The following GALNT13 variants were observed in gnomAD, a reference collection of about 807,000 sequenced individuals.
GALNT13 encodes the protein UDP-GalNAc:polypeptide N-acetylgalactosaminyltransferase 13.
A neutral mutation model predicts 64.2 loss-of-function variants in GALNT13; 28 were observed. The observed-to-expected ratio is 0.44, with a 90% CI of 0.32 to 0.60. The LOEUF is 0.60. GALNT13 is among the 20% of genes least tolerant of loss of function. The probability of loss-of-function intolerance (pLI) is 0.05; values close to 1 mark genes in which losing one functional copy is unlikely to be tolerated. For synonymous variants in GALNT13, 214 were observed against 224.6 expected (o/e 0.95, Z 0.42); for missense variants, 577 against 669.8 (o/e 0.86, Z 1.53).
At chr2:153,436,398 G>T in the GALNT13 span, among the ~76,000 whole-genome samples, 1 of 152,156 alleles carries the variant, frequency 6.6e-6, no homozygotes, top group South Asian at 2.1e-4. Flanking sequence ...GTTTCAGGAG[G>T]AATGGTACCA....
At chr2:153,168,852 A>T in the GALNT13 span, among the ~76,000 whole-genome samples, 1 of 152,150 alleles carries the variant, frequency 6.6e-6, no homozygotes, top group African/African-American at 2.4e-5. Context: ...CCAAATGTCA[A>T]TTCATATACT....
At position 154,452,551 on chromosome 2, in the gene GALNT13, T is replaced by C. The variant is rs1701911051; in HGVS notation, c.*2000T>C. Reference sequence around the variant, plus strand: ...GTCAAAATGCATGTTATGTAGAAAATGGTCAATGGCAAATTTTTATAAATA... The same window carrying C: ...GTCAAAATGCATGTTATGTAGAAAACGGTCAATGGCAAATTTTTATAAATA... On this transcript the variant is annotated 3_prime_UTR_variant, in exon 13 of 13. Coordinates refer to ENST00000392825, the MANE Select transcript of GALNT13 (RefSeq NM_052917.4). 1 of 152,072 alleles carries C rather than the reference T, an allele frequency of 6.6e-6. No individual in the cohort carries two copies. Among genetic ancestry groups the C allele is most frequent in the Non-Finnish European group, 1.5e-5 (1 of 68,010 alleles). 9.4% of individuals were successfully genotyped at this position (152,072 alleles called of 1,614,324 possible). A position where few individuals can be genotyped will look rare whatever the true frequency, so the allele number is the denominator to read the frequency against.
intron 9 of GALNT13, among the ~76,000 whole-genome samples, chr2:154,343,840 T>TA (rs1350565783): frequency 1.3e-5 from 2 of 152,128 alleles, no homozygotes; most frequent in East Asian, 1.9e-4. Context: ...CTTTATGAGC[T>TA]ATTCAAGCTT....
chr2:153,669,367 C>A, the GALNT13 span, among the ~76,000 whole-genome samples: 1 of 152,334 alleles, frequency 6.6e-6, no homozygotes, highest in East Asian at 1.9e-4. Context: ...TGTAAGTACA[C>A]TTCTCCCCAC....
chr2:153,505,270 C>T, the GALNT13 span, among the ~76,000 whole-genome samples: 2 of 152,058 alleles, frequency 1.3e-5, no homozygotes, highest in African/African-American at 4.8e-5. Flanking sequence ...CTCTTCTTTT[C>T]TTGTTTAATC....
chr2:154,341,272 A>G (rs2105224902), intron 9 of GALNT13, among the ~76,000 whole-genome samples: 1 of 152,262 alleles, frequency 6.6e-6, no homozygotes, highest in South Asian at 2.1e-4. Flanking sequence ...CTTTGCTACT[A>G]GAGAGAGCCA....
chr2:153,668,677 C>T, the GALNT13 span, among the ~76,000 whole-genome samples: 6 of 152,076 alleles, frequency 3.9e-5, no homozygotes, highest in Non-Finnish European at 7.4e-5. Context: ...CCCCCACCTA[C>T]TCCTGGGGAA....
At chr2:153,814,962 T>G in the GALNT13 span, among the ~76,000 whole-genome samples, 1 of 152,284 alleles carries the variant, frequency 6.6e-6, no homozygotes. Flanking sequence ...TGTCAAAAAA[T>G]TTTTCTGCAT....
At chr2:153,961,693 G>C (rs1026013052) in intron 3 of GALNT13, among the ~76,000 whole-genome samples, 1 of 152,050 alleles carries the variant, frequency 6.6e-6, no homozygotes, top group Non-Finnish European at 1.5e-5. Context: ...AAAAGCTATA[G>C]AAAACAAAAT....
the GALNT13 span, among the ~76,000 whole-genome samples, chr2:153,643,063 A>C: frequency 1.3e-5 from 2 of 151,522 alleles, no homozygotes; most frequent in African/African-American, 4.8e-5. Flanking sequence ...AAAAATGTAC[A>C]AATATTAACT....
the GALNT13 span, among the ~76,000 whole-genome samples, chr2:153,726,247 AT>A: frequency 6.6e-6 from 1 of 152,192 alleles, no homozygotes; most frequent in Non-Finnish European, 1.5e-5. Context: ...AATTTGAGAC[AT>A]TTGGAAAAGT....
chr2:153,852,441 G>A, the GALNT13 span, among the ~76,000 whole-genome samples: 1 of 152,058 alleles, frequency 6.6e-6, no homozygotes, highest in African/African-American at 2.4e-5. Flanking sequence ...ACATAATGAG[G>A]TTAATTCATC....
At chr2:153,959,617 AAATATTATGAAAGG>A (rs1273237552) in intron 3 of GALNT13, among the ~76,000 whole-genome samples, 1 of 152,200 alleles carries the variant, frequency 6.6e-6, no homozygotes, top group Non-Finnish European at 1.5e-5. Flanking sequence ...TAGCTTTACC[AAATATTATGAAAGG>A]AAGGGCAGAG....
intron 3 of GALNT13, among the ~76,000 whole-genome samples, chr2:154,040,380 C>T (rs1698906489): frequency 7.1e-6 from 1 of 140,906 alleles, no homozygotes; most frequent in Non-Finnish European, 1.6e-5. Context: ...GAGTAGAATA[C>T]ATCGTGATTA....
chr2:154,014,635 C>CTTTTTTTTTTTTTTTTT lies in GALNT13; in HGVS notation c.142+70011_142+70012insTTTTTTTTTTTTTTTTT. On this transcript the variant is annotated intron_variant, in intron 3 of 12. Coordinates refer to ENST00000392825, the MANE Select transcript of GALNT13 (RefSeq NM_052917.4). Reference sequence around the variant, plus strand: ...ACTTTTTGTCTTTCTGATAATTCTCCTTTTTTTTTTTTTTTGAGACGGAGT... The same window carrying CTTTTTTTTTTTTTTTTT: ...ACTTTTTGTCTTTCTGATAATTCTCCTTTTTTTTTTTTTTTTTTTTTTTTTTTTTTTTGAGACGGAGT... Among the ~76,000 whole-genome samples, 82 of 77,212 alleles carry CTTTTTTTTTTTTTTTTT rather than the reference C, an allele frequency of 1.1e-3. 8 individuals are homozygous for CTTTTTTTTTTTTTTTTT. Among genetic ancestry groups the CTTTTTTTTTTTTTTTTT allele is most frequent in the Non-Finnish European group, 1.8e-3 (65 of 37,100 alleles). 50.7% of individuals were successfully genotyped at this position (77,212 alleles called of 152,430 possible).
the GALNT13 span, among the ~76,000 whole-genome samples, chr2:153,291,831 C>A: frequency 6.6e-6 from 1 of 150,788 alleles, no homozygotes; most frequent in Non-Finnish European, 1.5e-5. Flanking sequence ...TCTGGAGACA[C>A]GTAGGGGAAA....
chr2:153,801,126 A>G, the GALNT13 span, among the ~76,000 whole-genome samples: 2 of 152,148 alleles, frequency 1.3e-5, no homozygotes, highest in African/African-American at 2.4e-5. Context: ...CTTTGGCTTA[A>G]AGGAATGTTG....
At chr2:154,179,037 G>A (rs548365278) in intron 4 of GALNT13, among the ~76,000 whole-genome samples, 6 of 152,116 alleles carry the variant, frequency 3.9e-5, no homozygotes, top group South Asian at 2.1e-4. Flanking sequence ...TTACCATGGC[G>A]TTCCCTTTGG....
At chr2:154,136,551 T>A (rs2105566147) in intron 3 of GALNT13, among the ~76,000 whole-genome samples, 1 of 152,288 alleles carries the variant, frequency 6.6e-6, no homozygotes. Context: ...GTGTTCTTTT[T>A]GGTAGATTTA....
Sources: gnomAD v4.1 joint callset for allele counts (sites outside exome capture counted in the v4.1 genomes callset) on GRCh38, gnomAD v4.1.1 for gene constraint, MANE v1.5 for transcripts, NCBI Gene and HGNC (gene_info 2026-07-23, HGNC 2026-07-21) for gene names.